Variants in PALS1 observed in about 807,000 individuals in gnomAD.
PALS1 encodes the protein protein PALS1.
PALS1 carries 31 observed loss-of-function variants against 78.9 expected under a neutral mutation model. That is an observed-to-expected ratio of 0.39 (90% CI 0.30 to 0.53). PALS1 has a LOEUF of 0.53. PALS1 is among the 20% of genes least tolerant of loss of function. PALS1 has a pLI of 0.67. For missense variants in PALS1, 704 were observed against 826.5 expected (o/e 0.85, Z 1.82); for synonymous variants, 276 against 270.9 (o/e 1.02, Z -0.18).
At chr14:67,305,921 G>A (rs1471515076) in intron 8 of PALS1, among the ~76,000 whole-genome samples, 1 of 152,158 alleles carries the variant, frequency 6.6e-6, no homozygotes, top group Admixed American at 6.6e-5. Flanking sequence ...AGCTTAAAAA[G>A]GAAGAAAGTG....
chr14:67,305,285 CAT>C (rs1491503715), intron 8 of PALS1, among the ~76,000 whole-genome samples: 1 of 151,828 alleles, frequency 6.6e-6, no homozygotes, highest in African/African-American at 2.4e-5. Context: ...GAAGTTAAGA[CAT>C]TTTTTTTTTT....
At chr14:67,318,479 T>C (rs1398105509) in intron 11 of PALS1, among the ~76,000 whole-genome samples, 2 of 152,208 alleles carry the variant, frequency 1.3e-5, no homozygotes, top group Non-Finnish European at 2.9e-5. Flanking sequence ...TAAGAGCTAC[T>C]GTACTGTAGA....
At chr14:67,242,908 A>C (rs141478077) in intron 1 of PALS1, among the ~76,000 whole-genome samples, 3 of 152,174 alleles carry the variant, frequency 2.0e-5, no homozygotes, top group Admixed American at 6.5e-5. Context: ...AGAATATATA[A>C]GTTCTACTTG....
rs972756226 is a variant in PALS1, at chr14:67,333,923, G to C, written c.*967G>C. 6.6e-6 allele frequency: 1 copy of C among 152,542 alleles called. No homozygotes were observed. Among genetic ancestry groups the C allele is most frequent in the African/African-American group, 2.4e-5 (1 of 41,412 alleles). The allele number at this position is 152,542 out of a possible 1,614,324, so 9.4% of individuals were successfully genotyped here. A position where few individuals can be genotyped will look rare whatever the true frequency, so the allele number is the denominator to read the frequency against. On this transcript the variant is annotated 3_prime_UTR_variant, in exon 15 of 15. Transcript: ENST00000261681. Reference sequence around the variant, plus strand: ...TATGAGCACAGTATCCTATGACTGTGCTACGTATATATAGGTAATAAACTG... The same window carrying C: ...TATGAGCACAGTATCCTATGACTGTCCTACGTATATATAGGTAATAAACTG...
chr14:67,301,490 A>G (rs2084932360), intron 5 of PALS1, 24 bp downstream of exon 5: 3 of 1,538,182 alleles, frequency 2.0e-6, no homozygotes, highest in Non-Finnish European at 2.7e-6. Context: ...AGAATACTAT[A>G]TATGTGGTTT....
At chr14:67,243,489 ATTTTTTTT>A (rs55985752) in intron 1 of PALS1, among the ~76,000 whole-genome samples, 6 of 100,292 alleles carry the variant, frequency 6.0e-5, no homozygotes, top group African/African-American at 1.2e-4. Flanking sequence ...CCAGAATATA[ATTTTTTTT>A]TTTTTTTTTT....
intron 8 of PALS1, among the ~76,000 whole-genome samples, chr14:67,304,707 ATTGT>A (rs1479686349): frequency 2.0e-5 from 3 of 152,216 alleles, no homozygotes; most frequent in Admixed American, 2.0e-4. Context: ...ATGTTTTAAA[ATTGT>A]TTGTGGTGAT....
chr14:67,301,750 T>C (rs1321071520), intron 5 of PALS1, among the ~76,000 whole-genome samples: 1 of 152,200 alleles, frequency 6.6e-6, no homozygotes, highest in East Asian at 1.9e-4. Flanking sequence ...TGTAGACCTT[T>C]ACATTGATGT....
rs536098591 is a variant in PALS1 at position 67,253,979 on chromosome 14, T to G, written c.-237+12446T>G. ...TTTTGTTTTGTTTTTTTTTTTCCATTTTGAGTAATGGATGTCTTTCATGTC... is the reference window on the plus strand; with the variant it reads ...TTTTGTTTTGTTTTTTTTTTTCCATGTTGAGTAATGGATGTCTTTCATGTC... On this transcript the variant is annotated intron_variant, in intron 1 of 14. Coordinates refer to ENST00000261681, the MANE Select transcript of PALS1 (RefSeq NM_022474.4). Among the ~76,000 whole-genome samples the G allele has an allele frequency of 1.9e-3, 289 of 151,448 alleles. 1 individual carries two copies. The highest frequency in any genetic ancestry group is 6.6e-3 in the African/African-American group (271 of 41,214).
intron 8 of PALS1, among the ~76,000 whole-genome samples, chr14:67,307,756 A>C (rs1011585860): frequency 6.6e-6 from 1 of 152,202 alleles, no homozygotes; most frequent in Admixed American, 6.5e-5. Flanking sequence ...TTAAAGATAA[A>C]TCTGCGATAG....
chr14:67,263,227 T>A (rs2084265826), intron 1 of PALS1, among the ~76,000 whole-genome samples: 1 of 152,222 alleles, frequency 6.6e-6, no homozygotes, highest in Admixed American at 6.5e-5. Context: ...ATAGGGACCC[T>A]AATTTGTCTA....
intron 2 of PALS1, among the ~76,000 whole-genome samples, chr14:67,275,839 T>A (rs2084494320): frequency 6.6e-6 from 1 of 152,166 alleles, no homozygotes; most frequent in Non-Finnish European, 1.5e-5. Flanking sequence ...TCTTCCTGGT[T>A]TAGTCTTGGG....
chr14:67,300,232 C>T (rs2084912600), intron 4 of PALS1, among the ~76,000 whole-genome samples: 1 of 152,004 alleles, frequency 6.6e-6, no homozygotes. Flanking sequence ...ATTAATTAAT[C>T]CCAAAATTAT....
intron 13 of PALS1, 148 bp downstream of exon 13, chr14:67,321,407 A>G: frequency 4.2e-6 from 3 of 721,322 alleles, no homozygotes. Context: ...CTGAAATCAC[A>G]CAGGTTGCTA....
intron 8 of PALS1, among the ~76,000 whole-genome samples, chr14:67,306,531 G>GTGTGTGTA (rs201164692): frequency 6.0e-4 from 90 of 151,238 alleles, no homozygotes; most frequent in Middle Eastern, 3.5e-3. Context: ...GTGTGTGTGT[G>GTGTGTGTA]TGTGTTTGTG....
intron 3 of PALS1, 125 bp from the exon 4 acceptor site, chr14:67,292,386 A>T (rs1258840333): frequency 6.4e-6 from 4 of 621,658 alleles, no homozygotes; most frequent in African/African-American, 1.8e-5. Flanking sequence ...ACAATAATAT[A>T]TGCAGATTTT....
intron 3 of PALS1, among the ~76,000 whole-genome samples, chr14:67,283,647 A>ATGT (rs1334671811): frequency 6.6e-6 from 1 of 152,200 alleles, no homozygotes. Flanking sequence ...TGTTGTCACT[A>ATGT]GATTTAATGT....
chr14:67,263,975 A>G (rs1295904942), intron 1 of PALS1, among the ~76,000 whole-genome samples: 1 of 152,120 alleles, frequency 6.6e-6, no homozygotes, highest in African/African-American at 2.4e-5. Flanking sequence ...TAGCCCCACT[A>G]TAGCCGTGAA....
rs144880708 is a variant in PALS1 at position 67,292,698 on chromosome 14, C to T, written c.555C>T (p.Asn185=). The T allele has an allele frequency of 3.2e-5, 52 of 1,613,332 alleles. No homozygotes were observed. The highest frequency in any genetic ancestry group is 1.3e-4 in the South Asian group (12 of 91,012). ...KASPPFPLIS[N]AQDLAQEVQT... ...GTCCTCCATTTCCTCTTATCTCCAA[C>T]GCACAAGATCTTGCTCAAGAGGTAT... Residue 185 remains asparagine (N), a synonymous_variant, in exon 4 of 15, where the codon AAC becomes AAT. Coordinates refer to ENST00000261681, the MANE Select transcript of PALS1 (RefSeq NM_022474.4).
Sources: gnomAD v4.1 joint callset for allele counts (sites outside exome capture counted in the v4.1 genomes callset) on GRCh38, gnomAD v4.1.1 for gene constraint, MANE v1.5 for transcripts, NCBI Gene and HGNC (gene_info 2026-07-23, HGNC 2026-07-21) for gene names.